ACBD6: variants seen among roughly 807,000 people sequenced by gnomAD.
ACBD6 encodes the protein acyl-CoA binding domain containing 6.
A neutral mutation model predicts 37.2 loss-of-function variants in ACBD6; 28 were observed. That is an observed-to-expected ratio of 0.75 (90% CI 0.56 to 1.03). The LOEUF (loss-of-function observed/expected upper bound fraction) is 1.03, where lower values mean the gene tolerates loss of function less well. Among genes scored for constraint, ACBD6 ranks in the 50% least tolerant of loss-of-function variants. The probability of loss-of-function intolerance (pLI) is 0.00; values close to 1 mark genes in which losing one functional copy is unlikely to be tolerated. For synonymous variants in ACBD6, 113 were observed against 126.8 expected (o/e 0.89, Z 0.73); for missense variants, 340 against 337.4 (o/e 1.01, Z -0.06).
chr1:180,403,308 G>A (rs998898760), intron 5 of ACBD6, among the ~76,000 whole-genome samples: 5 of 152,232 alleles, frequency 3.3e-5, no homozygotes, highest in Admixed American at 3.3e-4. Context: ...CATCAAATGT[G>A]TACTTAAGAC....
At chr1:180,477,822 T>C (rs1650858928) in intron 3 of ACBD6, among the ~76,000 whole-genome samples, 1 of 152,174 alleles carries the variant, frequency 6.6e-6, no homozygotes, top group African/African-American at 2.4e-5. Context: ...TATTCTGCTC[T>C]AATGCACAAA....
intron 3 of ACBD6, among the ~76,000 whole-genome samples, chr1:180,459,686 T>C (rs1027675378): frequency 3.3e-5 from 5 of 152,166 alleles, no homozygotes; most frequent in Non-Finnish European, 7.4e-5. Flanking sequence ...TCCATGAAGA[T>C]AAGAAAAAAT....
intron 3 of ACBD6, among the ~76,000 whole-genome samples, chr1:180,468,371 G>A (rs373628792): frequency 1.6e-3 from 246 of 152,216 alleles, no homozygotes; most frequent in African/African-American, 5.4e-3. Context: ...CTGCTGACGC[G>A]GGTCCTCACA....
At chr1:180,378,516 T>C (rs1653525270) in intron 6 of ACBD6, among the ~76,000 whole-genome samples, 1 of 152,236 alleles carries the variant, frequency 6.6e-6, no homozygotes, top group Admixed American at 6.5e-5. Flanking sequence ...AAGTTAATTA[T>C]TAGGGAAAGC....
chr1:180,332,371 G>C (rs1006040928), intron 6 of ACBD6, among the ~76,000 whole-genome samples: 1 of 152,150 alleles, frequency 6.6e-6, no homozygotes, highest in African/African-American at 2.4e-5. Context: ...TCCATGGCCT[G>C]TTAGGAACTG....
chr1:180,284,290 T>C (rs1649401401), downstream of ACBD6, among the ~76,000 whole-genome samples: 1 of 152,190 alleles, frequency 6.6e-6, no homozygotes, highest in Non-Finnish European at 1.5e-5. Context: ...TAATTAAAGA[T>C]ACTCAAGGTA....
intron 9 of ACBD6, chr1:180,277,988 T>C (rs1213074029): frequency 2.6e-5 from 4 of 152,240 alleles, no homozygotes; most frequent in Non-Finnish European, 4.4e-5. Context: ...ACAAAAGACA[T>C]TCCTATCTCA....
At chr1:180,386,655 A>G (rs548594542) in intron 6 of ACBD6, among the ~76,000 whole-genome samples, 2 of 151,702 alleles carry the variant, frequency 1.3e-5, no homozygotes, top group Non-Finnish European at 2.9e-5. Flanking sequence ...TATACTTTCT[A>G]TTGCTTTAAG....
chr1:180,287,555 A>G (rs1013489409), downstream of ACBD6, among the ~76,000 whole-genome samples: 9 of 149,744 alleles, frequency 6.0e-5, no homozygotes, highest in African/African-American at 2.2e-4. Context: ...AGACCCAAAG[A>G]GACCTAACAG....
intron 3 of ACBD6, among the ~76,000 whole-genome samples, chr1:180,445,417 G>T (rs1649436543): frequency 6.6e-6 from 1 of 152,102 alleles, no homozygotes; most frequent in Non-Finnish European, 1.5e-5. Flanking sequence ...TAATACTTAA[G>T]GAATATTTTC....
chr1:180,444,772 T>C (rs1649415063), intron 3 of ACBD6, among the ~76,000 whole-genome samples: 1 of 152,324 alleles, frequency 6.6e-6, no homozygotes, highest in South Asian at 2.1e-4. Flanking sequence ...GTTCTTACAT[T>C]GCCTGAGACT....
At chr1:180,337,617 C>A (rs1465082491) in intron 6 of ACBD6, among the ~76,000 whole-genome samples, 1 of 152,178 alleles carries the variant, frequency 6.6e-6, no homozygotes, top group Non-Finnish European at 1.5e-5. Context: ...CCTCTCTCAC[C>A]ACTCCTATTC....
chr1:180,298,041 G>C (rs1231372304), intron 7 of ACBD6, among the ~76,000 whole-genome samples: 1 of 152,136 alleles, frequency 6.6e-6, no homozygotes, highest in Non-Finnish European at 1.5e-5. Flanking sequence ...CACTGTGCCT[G>C]GCCCAAAAAT....
chr1:180,273,882 T>C (rs1648843882), intron 11 of ACBD6: 3 of 418,358 alleles, frequency 7.2e-6, no homozygotes, highest in Non-Finnish European at 1.3e-5. Flanking sequence ...GCATTCATCC[T>C]CCTCAGTGTA....
intron 6 of ACBD6, among the ~76,000 whole-genome samples, chr1:180,340,139 G>GGA (rs1469255784): frequency 6.6e-6 from 1 of 152,006 alleles, no homozygotes; most frequent in South Asian, 2.1e-4. Flanking sequence ...GGAGATGAGG[G>GGA]GAGAGAGAGG....
chr1:180,480,130 T>C (rs1257523825), intron 3 of ACBD6, among the ~76,000 whole-genome samples: 1 of 152,218 alleles, frequency 6.6e-6, no homozygotes, highest in African/African-American at 2.4e-5. Context: ...TTGTATATCA[T>C]GCTAATTTAG....
chr1:180,338,282 T>C (rs1472120188), intron 6 of ACBD6, among the ~76,000 whole-genome samples: 3 of 152,136 alleles, frequency 2.0e-5, no homozygotes, highest in Non-Finnish European at 2.9e-5. Context: ...CTTCAAACTA[T>C]ACTACAAACA....
chr1:180,303,469 T>C (rs564126864), intron 7 of ACBD6, among the ~76,000 whole-genome samples: 4 of 150,942 alleles, frequency 2.7e-5, no homozygotes, highest in African/African-American at 7.2e-5. Context: ...CAGAGAATAT[T>C]ATAAACACCT....
At chr1:180,489,210 CTTATT>C (rs774388658) in intron 3 of ACBD6, among the ~76,000 whole-genome samples, 28 of 151,806 alleles carry the variant, frequency 1.8e-4, no homozygotes, top group East Asian at 7.8e-4. Context: ...GAGTGTTGTT[CTTATT>C]TTATTTTATT....
Sources: allele counts gnomAD v4.1 joint callset (sites outside exome capture counted in the v4.1 genomes callset), GRCh38; gene constraint gnomAD v4.1.1; transcripts MANE v1.5; gene names NCBI Gene and HGNC (gene_info 2026-07-23, HGNC 2026-07-21).